Variants in SLC35F2 observed in about 807,000 individuals in gnomAD.
SLC35F2 encodes the protein queuine/queuosine transporter SLC35F2.
SLC35F2 carries 25 observed loss-of-function variants against 38.1 expected under a neutral mutation model. The ratio of observed to expected loss-of-function variants is 0.66; its 90% confidence interval spans 0.48 to 0.92. The LOEUF (loss-of-function observed/expected upper bound fraction) is 0.92. Among genes scored for constraint, SLC35F2 ranks in the 40% least tolerant of loss-of-function variants. The probability of loss-of-function intolerance (pLI) is 0.00; values close to 1 mark genes in which losing one functional copy is unlikely to be tolerated. For synonymous variants in SLC35F2, 173 were observed against 181.7 expected (o/e 0.95, Z 0.38); for missense variants, 409 against 452.9 (o/e 0.90, Z 0.88).
At chr11:107,825,681 A>G (rs561331323) in intron 1 of SLC35F2, among the ~76,000 whole-genome samples, 2 of 152,230 alleles carry the variant, frequency 1.3e-5, no homozygotes, top group East Asian at 3.9e-4. Flanking sequence ...GAGATTCCGC[A>G]TTCCTAAGAA....
At chr11:107,793,466 C>G (rs1445573997) in intron 7 of SLC35F2, among the ~76,000 whole-genome samples, 1 of 152,068 alleles carries the variant, frequency 6.6e-6, no homozygotes, top group Non-Finnish European at 1.5e-5. Context: ...CCCATTCAGA[C>G]CCTAGACACT....
At chr11:107,802,259 A>AATAAATAAATAAATAAATAAATAAAT (rs1316212280) in intron 7 of SLC35F2, among the ~76,000 whole-genome samples, 3 of 151,690 alleles carry the variant, frequency 2.0e-5, no homozygotes, top group African/African-American at 7.3e-5. Flanking sequence ...ATAAATAATA[A>AATAAATAAATAAATAAATAAATAAAT]AATAAAATAA....
At chr11:107,849,135 G>T (rs1238584340) in intron 1 of SLC35F2, among the ~76,000 whole-genome samples, 1 of 152,100 alleles carries the variant, frequency 6.6e-6, no homozygotes, top group Non-Finnish European at 1.5e-5. Flanking sequence ...TTGTAGGATT[G>T]TCATGAGGAT....
At chr11:107,858,443 A>G in intron 1 of SLC35F2, 1 of 407,306 alleles carries the variant, frequency 2.5e-6, no homozygotes, top group Non-Finnish European at 4.3e-6. Flanking sequence ...CGATTTCGAA[A>G]CGGGAGCCGA....
At chr11:107,842,832 C>T (rs1464867957) in intron 1 of SLC35F2, among the ~76,000 whole-genome samples, 1 of 152,200 alleles carries the variant, frequency 6.6e-6, no homozygotes, top group Non-Finnish European at 1.5e-5. Context: ...AAGCCCTTTA[C>T]ACATGATCAA....
In SLC35F2 at chr11:107,803,055, G is replaced by A. The variant is rs1346046871; in HGVS notation, c.885C>T (p.Ile295=). The A allele has an allele frequency of 6.2e-7, 1 of 1,614,044 alleles. No homozygotes were observed. The part of the protein sequence containing the change: ...VTSATSVNLG[I]LTADLYSLFV... Reference sequence around the variant, plus strand: ...AAAGGCTGTAGAGGTCCGCTGTCAGGATGCCCAGGTTGACGGAAGTGGCAC... The same window carrying A: ...AAAGGCTGTAGAGGTCCGCTGTCAGAATGCCCAGGTTGACGGAAGTGGCAC... The change falls in exon 7 of 8, where the codon ATC becomes ATT. Residue 295 remains isoleucine, a synonymous_variant. Transcript: ENST00000525815.
intron 1 of SLC35F2, among the ~76,000 whole-genome samples, chr11:107,833,997 C>T (rs1340491573): frequency 1.3e-5 from 2 of 152,156 alleles, no homozygotes; most frequent in African/African-American, 2.4e-5. Flanking sequence ...GATGCTATGC[C>T]GGACACGGAC....
At chr11:107,835,117 C>T (rs1231302716) in intron 1 of SLC35F2, among the ~76,000 whole-genome samples, 2 of 152,188 alleles carry the variant, frequency 1.3e-5, no homozygotes, top group Non-Finnish European at 2.9e-5. Flanking sequence ...TGCCTTAAAT[C>T]ATTAACACGC....
chr11:107,832,287 C>T (rs924721523), intron 1 of SLC35F2, among the ~76,000 whole-genome samples: 5 of 152,072 alleles, frequency 3.3e-5, no homozygotes, highest in South Asian at 2.1e-4. Flanking sequence ...TGTTAGTTCC[C>T]GGAACTGGTT....
rs1224368234 is a variant in SLC35F2 at position 107,805,682 on chromosome 11, G to GTGTA, written c.575-171_575-168dup. 5 of 982,688 alleles carry GTGTA rather than the reference G, an allele frequency of 5.1e-6. No individual in the cohort carries two copies. In the African/African-American group the frequency reaches 8.8e-5, roughly 17 times the overall value. 60.9% of individuals were successfully genotyped at this position (982,688 alleles called of 1,614,324 possible). On this transcript the variant is annotated intron_variant, in intron 4 of 7. Transcript: ENST00000525815. ...AGTGTGTGTGTGTGTATGTGTGTGT[G>GTGTA]TGTATGTGTGTGTTTGAGACAGTCT...
chr11:107,847,750 G>A (rs112593450), intron 1 of SLC35F2, among the ~76,000 whole-genome samples: 32 of 152,308 alleles, frequency 2.1e-4, no homozygotes, highest in African/African-American at 7.5e-4. Context: ...TCCTAAGTTG[G>A]TGCTAACAGT....
intron 1 of SLC35F2, among the ~76,000 whole-genome samples, chr11:107,825,730 G>A (rs1465183980): frequency 2.0e-5 from 3 of 152,156 alleles, no homozygotes; most frequent in Non-Finnish European, 4.4e-5. Context: ...CCACGGACCA[G>A]ACTTTGAGTG....
chr11:107,819,550 G>A (rs957246561), intron 1 of SLC35F2, among the ~76,000 whole-genome samples: 1 of 152,162 alleles, frequency 6.6e-6, no homozygotes, highest in African/African-American at 2.4e-5. Context: ...AAGGAGTCAT[G>A]GTTTGCATTG....
Position 107,792,476 on chromosome 11 carries a change from C to T in SLC35F2, c.*139G>A. 2.1e-6 allele frequency: 2 copies of T among 969,712 alleles called. No individual in the cohort carries two copies. Among genetic ancestry groups the T allele is most frequent in the Non-Finnish European group, 1.5e-6 (1 of 688,992 alleles). The allele number at this position is 969,712 out of a possible 1,614,324, so 60.1% of individuals were successfully genotyped here. Reference sequence around the variant, plus strand: ...TACTTTTGAACTTTGTTCAGTGTTCCTTTCTAAAACCTAACCACTGGATCC... The same window carrying T: ...TACTTTTGAACTTTGTTCAGTGTTCTTTTCTAAAACCTAACCACTGGATCC... On this transcript the variant is annotated 3_prime_UTR_variant, in exon 8 of 8. Coordinates refer to ENST00000525815, the MANE Select transcript of SLC35F2 (RefSeq NM_017515.5).
chr11:107,849,283 G>A (rs932261253), intron 1 of SLC35F2, among the ~76,000 whole-genome samples: 1 of 152,096 alleles, frequency 6.6e-6, no homozygotes, highest in Non-Finnish European at 1.5e-5. Context: ...ATGGAGGCAT[G>A]GATGGAAGCT....
rs1317838391 is a variant in SLC35F2, at chr11:107,806,885, A to T, written c.415-9T>A. 5.6e-6 allele frequency: 9 copies of T among 1,612,182 alleles called. 1 individual carries two copies. Among genetic ancestry groups the T allele is most frequent in the Middle Eastern group, 1.6e-4 (1 of 6,076 alleles). ...CCAAAGCAATCCAAAAGCTGCATGGAAAGAGAATCAACAGTTTAAAACATA... is the reference window on the plus strand; with the variant it reads ...CCAAAGCAATCCAAAAGCTGCATGGTAAGAGAATCAACAGTTTAAAACATA... On this transcript the variant is annotated splice_polypyrimidine_tract_variant and intron_variant, in intron 3 of 7. Transcript: ENST00000525815.
intron 2 of SLC35F2, among the ~76,000 whole-genome samples, chr11:107,815,431 C>G (rs1201480488): frequency 3.3e-5 from 5 of 151,054 alleles, no homozygotes; most frequent in African/African-American, 1.2e-4. Flanking sequence ...GTGGCACACT[C>G]CTGTAGTCAC....
At chr11:107,805,540 G>A (rs1319819463) in intron 4 of SLC35F2, 25 bp from the exon 5 acceptor site, 22 of 1,605,944 alleles carry the variant, frequency 1.4e-5, no homozygotes, top group Non-Finnish European at 1.8e-5. Context: ...GCCACAGAAA[G>A]CAAAACACTG....
chr11:107,823,926 C>CAA (rs58357861), intron 1 of SLC35F2: 76 of 648,178 alleles, frequency 1.2e-4, no homozygotes, highest in South Asian at 1.5e-4. Flanking sequence ...AAGACAGTCT[C>CAA]AAAAAAAAAA....
Sources: allele counts gnomAD v4.1 joint callset (sites outside exome capture counted in the v4.1 genomes callset), GRCh38; gene constraint gnomAD v4.1.1; transcripts MANE v1.5; gene names NCBI Gene and HGNC (gene_info 2026-07-23, HGNC 2026-07-21).